The following CNTNAP2 variants were observed in gnomAD, a reference collection of about 807,000 sequenced individuals.
The protein encoded by CNTNAP2 is contactin associated protein 2, also known as contactin-associated protein-like 2.
Under a neutral mutation model 155.2 loss-of-function variants are expected in CNTNAP2, and 98 were observed. That is an observed-to-expected ratio of 0.63 (90% CI 0.54 to 0.75). The LOEUF (loss-of-function observed/expected upper bound fraction) is 0.75. Ranked by LOEUF, CNTNAP2 falls within the 30% of genes least tolerant of loss-of-function variation. The pLI, the probability that CNTNAP2 is intolerant of heterozygous loss-of-function variation, is 0.00. For synonymous variants in CNTNAP2, 651 were observed against 631.2 expected (o/e 1.03, Z -0.47); for missense variants, 1,727 against 1,688.1 (o/e 1.02, Z -0.40).
intron 17 of CNTNAP2, among the ~76,000 whole-genome samples, chr7:148,153,589 G>A (rs564326594): frequency 5.9e-5 from 9 of 152,298 alleles, no homozygotes; most frequent in Admixed American, 1.3e-4. Flanking sequence ...TGGGCTGTCC[G>A]TGGGCCAGAT....
At chr7:146,298,814 G>T (rs529349074) in intron 1 of CNTNAP2, among the ~76,000 whole-genome samples, 1 of 152,282 alleles carries the variant, frequency 6.6e-6, no homozygotes, top group East Asian at 1.9e-4. Context: ...TCTTAGAGAA[G>T]AATGATGTGT....
At chr7:147,300,332 A>C in intron 9 of CNTNAP2, 42 bp downstream of exon 9, 1 of 1,610,470 alleles carries the variant, frequency 6.2e-7, no homozygotes, top group Non-Finnish European at 8.5e-7. Flanking sequence ...CCATTGCAAA[A>C]AATGAGGTTT....
chr7:148,140,414 T>C (rs551925384), intron 16 of CNTNAP2, among the ~76,000 whole-genome samples: 3 of 149,730 alleles, frequency 2.0e-5, no homozygotes, highest in Admixed American at 6.6e-5. Context: ...CCATCTTTTT[T>C]CTTTTTCTTT....
chr7:147,826,703 T>C (rs543520891), intron 13 of CNTNAP2, among the ~76,000 whole-genome samples: 47 of 152,216 alleles, frequency 3.1e-4, no homozygotes, highest in African/African-American at 1.0e-3. Context: ...TTTCAACAGA[T>C]AGAGAACGCT....
At chr7:146,535,796 C>A (rs548183607) in intron 1 of CNTNAP2, among the ~76,000 whole-genome samples, 78 of 151,954 alleles carry the variant, frequency 5.1e-4, no homozygotes, top group Non-Finnish European at 9.4e-4. Context: ...TTCCCATTGT[C>A]TATTGTTCCC....
intron 23 of CNTNAP2, among the ~76,000 whole-genome samples, 168 bp downstream of exon 23, chr7:148,409,639 G>A (rs935571383): frequency 6.6e-6 from 1 of 151,782 alleles, no homozygotes; most frequent in African/African-American, 2.4e-5. Flanking sequence ...AAATATAGCC[G>A]GGCACAGTGG....
chr7:146,715,471 T>C (rs543079257), intron 1 of CNTNAP2, among the ~76,000 whole-genome samples: 1 of 152,084 alleles, frequency 6.6e-6, no homozygotes, highest in South Asian at 2.1e-4. Flanking sequence ...ATTTGTCTAC[T>C]ATGATATTCA....
chr7:146,872,314 T>C (rs1308550563), intron 3 of CNTNAP2, among the ~76,000 whole-genome samples: 1 of 152,120 alleles, frequency 6.6e-6, no homozygotes, highest in African/African-American at 2.4e-5. Context: ...TCAAATAGAA[T>C]TATTTTTTTC....
intron 13 of CNTNAP2, among the ~76,000 whole-genome samples, chr7:147,870,967 G>A (rs1242479485): frequency 2.6e-5 from 4 of 152,036 alleles, no homozygotes; most frequent in African/African-American, 9.7e-5. Context: ...CTGGTCCCAG[G>A]TAAGAAAGGA....
At chr7:147,281,568 T>C (rs1805034983) in intron 8 of CNTNAP2, among the ~76,000 whole-genome samples, 1 of 151,770 alleles carries the variant, frequency 6.6e-6, no homozygotes, top group Non-Finnish European at 1.5e-5. Flanking sequence ...CATGAATATA[T>C]TTATTAAAAG....
At chr7:147,205,231 T>C (rs1002464404) in intron 8 of CNTNAP2, among the ~76,000 whole-genome samples, 4 of 151,998 alleles carry the variant, frequency 2.6e-5, no homozygotes, top group Admixed American at 1.3e-4. Context: ...TATCTCTCAT[T>C]CCCCCCGCCA....
chr7:146,125,151 C>A (rs1275938356), intron 1 of CNTNAP2, among the ~76,000 whole-genome samples: 1 of 152,098 alleles, frequency 6.6e-6, no homozygotes. Flanking sequence ...ATGCCTCATG[C>A]ACTTCTGTAG....
rs563113718 is a variant in CNTNAP2, at chr7:147,665,037, A to G, written c.2098+25731A>G. Among the ~76,000 whole-genome samples, 5 of 152,282 alleles carry G rather than the reference A, an allele frequency of 3.3e-5. No homozygotes were observed. In the South Asian group the frequency reaches 1.0e-3, roughly 32 times the overall value. ...GGTATGTGTAAGAGTTGTAGATGCA[A>G]AGTTTGATTGCTTTTCACAAAGTAG... On this transcript the variant is annotated intron_variant, in intron 13 of 23. Coordinates refer to ENST00000361727, the MANE Select transcript of CNTNAP2 (RefSeq NM_014141.6).
chr7:148,337,544 C>T (rs897568343), intron 21 of CNTNAP2, among the ~76,000 whole-genome samples: 6 of 152,204 alleles, frequency 3.9e-5, no homozygotes, highest in Non-Finnish European at 7.3e-5. Context: ...TTCTCAGAAT[C>T]AGCAGGCATT....
At chr7:148,038,930 C>T (rs1802620568) in intron 15 of CNTNAP2, among the ~76,000 whole-genome samples, 1 of 152,038 alleles carries the variant, frequency 6.6e-6, no homozygotes, top group South Asian at 2.1e-4. Context: ...AAGCTAAGTC[C>T]CACAACAGGC....
intron 4 of CNTNAP2, among the ~76,000 whole-genome samples, chr7:147,079,404 C>T (rs1800068521): frequency 6.6e-6 from 1 of 151,888 alleles, no homozygotes. Flanking sequence ...GGATGTTGCT[C>T]CCGTGAAAAA....
At chr7:148,232,133 C>T (rs567196674) in intron 20 of CNTNAP2, among the ~76,000 whole-genome samples, 2 of 152,302 alleles carry the variant, frequency 1.3e-5, no homozygotes, top group East Asian at 3.9e-4. Flanking sequence ...TCAGCCCAGC[C>T]TGTCCCATCT....
At chr7:147,874,134 G>A (rs1308702464) in intron 13 of CNTNAP2, among the ~76,000 whole-genome samples, 2 of 152,066 alleles carry the variant, frequency 1.3e-5, no homozygotes, top group African/African-American at 4.8e-5. Context: ...CCAGGCTCAC[G>A]GTGCAAGCTC....
chr7:147,772,483 T>TAC lies in CNTNAP2; in HGVS notation c.2099-131074_2099-131073dup, dbSNP rs1554432818. ...ATATATATATATATATATATATATA[T>TAC]ACACACACAAAAAAAAAACCACAAA... is the stretch of plus-strand genomic sequence containing the variant. On this transcript the variant is annotated intron_variant, in intron 13 of 23. Transcript: ENST00000361727. 1.0e-3 allele frequency among the ~76,000 whole-genome samples: 90 copies of TAC among 90,248 alleles called. 1 individual carries two copies. The highest frequency in any genetic ancestry group is 9.1e-3 in the East Asian group (31 of 3,392). The allele number at this position is 90,248 out of a possible 152,430, so 59.2% of individuals were successfully genotyped here. A position where few individuals can be genotyped will look rare whatever the true frequency, so the allele number is the denominator to read the frequency against.
Sources: gnomAD v4.1 joint callset for allele counts (sites outside exome capture counted in the v4.1 genomes callset) on GRCh38, gnomAD v4.1.1 for gene constraint, MANE v1.5 for transcripts, NCBI Gene and HGNC (gene_info 2026-07-23, HGNC 2026-07-21) for gene names.